Variants in EPC1 observed in about 807,000 individuals in gnomAD.
EPC1 encodes the protein enhancer of polycomb homolog 1.
A neutral mutation model predicts 98.4 loss-of-function variants in EPC1; 12 were observed. The observed-to-expected ratio is 0.12, with a 90% CI of 0.08 to 0.20. The LOEUF (loss-of-function observed/expected upper bound fraction) is 0.20, where lower values mean the gene tolerates loss of function less well. EPC1 is among the 10% of genes least tolerant of loss of function. The probability of loss-of-function intolerance (pLI) is 1.00; values close to 1 mark genes in which losing one functional copy is unlikely to be tolerated. For synonymous variants in EPC1, 357 were observed against 363.9 expected (o/e 0.98, Z 0.21); for missense variants, 729 against 990.5 (o/e 0.74, Z 3.54).
intron 4 of EPC1, 27 bp from the exon 5 acceptor site, chr10:32,292,671 T>C (rs1210040273): frequency 6.3e-7 from 1 of 1,591,958 alleles, no homozygotes; most frequent in Non-Finnish European, 8.5e-7. Flanking sequence ...GCTTGTTTAA[T>C]GTTAGTAAGT....
chr10:32,326,114 G>A (rs558846194), intron 1 of EPC1, among the ~76,000 whole-genome samples: 2 of 152,266 alleles, frequency 1.3e-5, no homozygotes, highest in East Asian at 3.9e-4. Context: ...ACACTGCAAG[G>A]AGTTGTAGGA....
At chr10:32,287,040 G>A in intron 7 of EPC1, 25 bp from the exon 8 acceptor site, 1 of 1,613,542 alleles carries the variant, frequency 6.2e-7, no homozygotes, top group Non-Finnish European at 8.5e-7. Context: ...AAGAAAGTAG[G>A]TCAGATACGT....
At chr10:32,280,567 C>T (rs527292108) in intron 10 of EPC1, among the ~76,000 whole-genome samples, 6 of 152,194 alleles carry the variant, frequency 3.9e-5, no homozygotes, top group Non-Finnish European at 5.9e-5. Flanking sequence ...GGTGAAACCC[C>T]GTCTCTACTA....
At chr10:32,323,637 T>C (rs1013256029) in intron 1 of EPC1, among the ~76,000 whole-genome samples, 5 of 152,340 alleles carry the variant, frequency 3.3e-5, no homozygotes, top group Admixed American at 3.3e-4. Flanking sequence ...TAATTGTGAC[T>C]TGACTTTTCT....
At chr10:32,353,898 A>C (rs1839196135) in intron 1 of EPC1, among the ~76,000 whole-genome samples, 1 of 152,222 alleles carries the variant, frequency 6.6e-6, no homozygotes, top group Non-Finnish European at 1.5e-5. Flanking sequence ...GACTGCAAAC[A>C]ATTCTTCCAC....
chr10:32,373,527 C>T (rs979976655), intron 1 of EPC1, among the ~76,000 whole-genome samples: 1 of 152,108 alleles, frequency 6.6e-6, no homozygotes, highest in Admixed American at 6.5e-5. Context: ...TAAACCAATC[C>T]TGGTAATTTC....
At chr10:32,293,267 A>T in intron 3 of EPC1, 73 bp from the exon 4 acceptor site, 1 of 1,145,316 alleles carries the variant, frequency 8.7e-7, no homozygotes, top group Non-Finnish European at 1.2e-6. Context: ...TTCTAAATTT[A>T]AAGGACAATA....
chr10:32,269,787 T>C (rs1592526370), intron 13 of EPC1, among the ~76,000 whole-genome samples: 3 of 152,202 alleles, frequency 2.0e-5, no homozygotes, highest in South Asian at 2.1e-4. Flanking sequence ...TAAGAATGGA[T>C]TGGCATTAAG....
chr10:32,374,035 T>A (rs1308522203), intron 1 of EPC1, among the ~76,000 whole-genome samples: 1 of 152,174 alleles, frequency 6.6e-6, no homozygotes, highest in East Asian at 1.9e-4. Flanking sequence ...ACATAGAGAT[T>A]CCTTAATAAA....
chr10:32,334,918 AAGG>A (rs1279317480), intron 1 of EPC1, among the ~76,000 whole-genome samples: 3 of 152,204 alleles, frequency 2.0e-5, no homozygotes, highest in Admixed American at 6.5e-5. Context: ...ACTGCAAAGG[AAGG>A]AGAAGTCTGA....
At position 32,269,084 on chromosome 10, in the gene EPC1, T is replaced by C; in HGVS notation, c.2421A>G (p.Thr807=). ...GAAGCTACGTCACCTCCATCGCTAC[T>C]GTGTTGTCTGCTATGTTGTTCAGTG... ...KPALNNIADN[T]VAMEVT Residue 807 remains threonine, a synonymous_variant, in exon 14 of 14, where the codon ACA becomes ACG. Transcript: ENST00000319778. 2 of 1,614,048 alleles carry C rather than the reference T, an allele frequency of 1.2e-6. No individual in the cohort carries two copies.
intron 1 of EPC1, among the ~76,000 whole-genome samples, chr10:32,363,794 G>A (rs1592639348): frequency 3.3e-5 from 5 of 151,996 alleles, no homozygotes; most frequent in East Asian, 1.9e-4. Context: ...GAGTTGTTCC[G>A]ATAACTGTGC....
intron 1 of EPC1, among the ~76,000 whole-genome samples, chr10:32,362,108 T>G (rs780636430): frequency 7.2e-5 from 11 of 152,202 alleles, no homozygotes; most frequent in Non-Finnish European, 1.3e-4. Flanking sequence ...GGGGCTGCTC[T>G]GTGTGTGGAG....
At chr10:32,304,918 TAAA>T (rs11351207) in intron 2 of EPC1, among the ~76,000 whole-genome samples, 10 of 119,444 alleles carry the variant, frequency 8.4e-5, no homozygotes, top group Non-Finnish European at 1.2e-4. Flanking sequence ...AACTCCGTCT[TAAA>T]AAAAAAAAAA....
At chr10:32,355,864 G>T (rs1297790117) in intron 1 of EPC1, among the ~76,000 whole-genome samples, 2 of 152,138 alleles carry the variant, frequency 1.3e-5, no homozygotes, top group African/African-American at 4.8e-5. Flanking sequence ...GCCTGCTTTG[G>T]CCTCCCAAAG....
upstream of EPC1, among the ~76,000 whole-genome samples, chr10:32,348,182 G>A (rs1486058236): frequency 6.6e-6 from 1 of 152,138 alleles, no homozygotes; most frequent in Non-Finnish European, 1.5e-5. Context: ...ACAAAAAGCT[G>A]AATTATTAGA....
chr10:32,323,461 T>G (rs1189483481), intron 1 of EPC1, among the ~76,000 whole-genome samples: 1 of 152,222 alleles, frequency 6.6e-6, no homozygotes, highest in South Asian at 2.1e-4. Flanking sequence ...TACCATAAAT[T>G]CTTTTCTTCT....
intron 1 of EPC1, among the ~76,000 whole-genome samples, chr10:32,365,252 C>T (rs1411149521): frequency 6.6e-6 from 1 of 152,028 alleles, no homozygotes; most frequent in Non-Finnish European, 1.5e-5. Flanking sequence ...ATAAATGTCA[C>T]TAAAACTAGA....
At chr10:32,357,694 A>G (rs1431242048) in intron 1 of EPC1, among the ~76,000 whole-genome samples, 1 of 152,050 alleles carries the variant, frequency 6.6e-6, no homozygotes, top group African/African-American at 2.4e-5. Context: ...TCCTGACCTC[A>G]AGCAGTCCTC....
Sources: allele counts gnomAD v4.1 joint callset (sites outside exome capture counted in the v4.1 genomes callset), GRCh38; gene constraint gnomAD v4.1.1; transcripts MANE v1.5; gene names NCBI Gene and HGNC (gene_info 2026-07-23, HGNC 2026-07-21).